Variants in MYH8 observed in about 807,000 individuals in gnomAD.
The protein encoded by MYH8 is myosin heavy chain 8.
A neutral mutation model predicts 233.2 loss-of-function variants in MYH8; 168 were observed. The observed-to-expected ratio is 0.72, with a 90% confidence interval of 0.64 to 0.82. The LOEUF (loss-of-function observed/expected upper bound fraction) is 0.82. Among genes scored for constraint, MYH8 ranks in the 40% least tolerant of loss-of-function variants. The pLI, the probability that MYH8 is intolerant of heterozygous loss-of-function variation, is 0.00. For missense variants in MYH8, 1,995 were observed against 2,327.8 expected (o/e 0.86, Z 2.94); for synonymous variants, 785 against 850.6 (o/e 0.92, Z 1.34).
chr17:10,418,404 A>T (rs1221185932), intron 5 of MYH8, among the ~76,000 whole-genome samples: 1 of 152,222 alleles, frequency 6.6e-6, no homozygotes, highest in Non-Finnish European at 1.5e-5. Context: ...CTTCCACTTA[A>T]CTATCTGTGT....
intron 30 of MYH8, 30 bp downstream of exon 30, chr17:10,398,414 A>AG: frequency 6.2e-7 from 1 of 1,613,962 alleles, no homozygotes; most frequent in Non-Finnish European, 8.5e-7. Flanking sequence ...TGCTTCTGGG[A>AG]GTTCCTCTTC....
chr17:10,405,854 G>A (rs1362279520), intron 21 of MYH8, among the ~76,000 whole-genome samples, 187 bp downstream of exon 21: 1 of 152,242 alleles, frequency 6.6e-6, no homozygotes, highest in Non-Finnish European at 1.5e-5. Flanking sequence ...ATGGCTGGAG[G>A]TAGGAGAGAA....
chr17:10,400,900 AT>A lies in MYH8; in HGVS notation c.3313del (p.Ile1105PhefsTer62). On this transcript the variant is annotated frameshift_variant, in exon 26 of 40. Transcript: ENST00000403437. LOFTEE classifies it high-confidence loss of function. This position sits in a 1 kb window ranked among gnomAD's most constrained non-coding sequence, Gnocchi z 4.0. Reference protein sequence around the residue: ...SKIEDEQAVEIQLQKKIKELQ... With the variant: ...SKIEDEQAVEXQLQKKIKELQ... ...CTCTTTGATCTTCTTCTGTAGTTGA[AT>A]TTCTACAGCTTGCTCATCTTCAATT... 6.2e-7 allele frequency: 1 copy of A among 1,613,882 alleles called. No individual in the cohort carries two copies. Among genetic ancestry groups the A allele is most frequent in the South Asian group, 1.1e-5 (1 of 91,082 alleles).
Position 10,414,188 on chromosome 17 carries a change from T to A in MYH8, c.1008+4A>T. On this transcript the variant is annotated splice_donor_region_variant and intron_variant, in intron 11 of 39. Coordinates refer to ENST00000403437, the MANE Select transcript of MYH8 (RefSeq NM_002472.3). ...GATTTTTAAAATTAGTGTTTTTGACTTACATCAGTGGCCATCAACTCTTCT... is the reference window on the plus strand; with the variant it reads ...GATTTTTAAAATTAGTGTTTTTGACATACATCAGTGGCCATCAACTCTTCT... The A allele has an allele frequency of 6.2e-7, 1 of 1,613,606 alleles. No individual in the cohort carries two copies. Among genetic ancestry groups the A allele is most frequent in the Non-Finnish European group, 8.5e-7 (1 of 1,179,470 alleles).
chr17:10,400,824 A>G lies in MYH8; in HGVS notation c.3345+45T>C. ...ATAAACATAAACTCATCTCAACTTC[A>G]GTGTTTTTTTGGTGTGCAGAAAAAA... On this transcript the variant is annotated intron_variant, in intron 26 of 39. Coordinates refer to ENST00000403437, the MANE Select transcript of MYH8 (RefSeq NM_002472.3). The surrounding 1 kb of genome is among the most constrained non-coding windows in gnomAD (Gnocchi z 4.0). 6.2e-7 allele frequency: 1 copy of G among 1,613,864 alleles called. No homozygotes were observed. The highest frequency in any genetic ancestry group is 8.5e-7 in the Non-Finnish European group (1 of 1,179,992).
chr17:10,421,358 A>G lies in MYH8; in HGVS notation c.-31+305T>C, dbSNP rs1362441419. Among the ~76,000 whole-genome samples the G allele has an allele frequency of 2.6e-5, 4 of 152,194 alleles. No homozygotes were observed. The East Asian group carries it at 7.7e-4, about 29-fold the overall frequency. On this transcript the variant is annotated intron_variant, in intron 2 of 39. Transcript: ENST00000403437. ...TGTCCTAAGTCCTCAATGCTTTGCC[A>G]TAGAAGAAGACTGGCATGGACTAGT... is the stretch of plus-strand genomic sequence containing the variant.
Position 10,404,506 on chromosome 17 carries a change from T to C in MYH8, c.2512A>G (p.Lys838Glu). 6.2e-7 allele frequency: 1 copy of C among 1,614,090 alleles called. No homozygotes were observed. Among genetic ancestry groups the C allele is most frequent in the Non-Finnish European group, 8.5e-7 (1 of 1,179,964 alleles). ...KHWPWMKLFF[K>E]IKPLLKSAET... ...GCACTCTTGAGGAGGGGCTTAATCT[T>C]GAAAAAGAGTTTCATCCAGGGCCAG... The change falls in exon 22 of 40, where the codon AAG (lysine) becomes GAG (glutamate). Residue 838 changes from lysine (K) to glutamate (E), a missense_variant. By Grantham distance (56) the Lys-to-Glu change is moderately conservative (BLOSUM62 1). Coordinates refer to ENST00000403437, the MANE Select transcript of MYH8 (RefSeq NM_002472.3).
chr17:10,398,362 CT>C, intron 30 of MYH8, 81 bp downstream of exon 30: 1 of 1,602,738 alleles, frequency 6.2e-7, no homozygotes, highest in South Asian at 1.1e-5. Flanking sequence ...TAAATGTTAG[CT>C]TTTGCTATTG....
At chr17:10,401,018 T>C (rs1597399430) in intron 25 of MYH8, 28 bp downstream of exon 25, 3 of 1,614,020 alleles carry the variant, frequency 1.9e-6, no homozygotes, top group Non-Finnish European at 2.5e-6. Flanking sequence ...TGATATCACA[T>C]AGAAGTTTTT....
chr17:10,395,363 T>G lies in MYH8; in HGVS notation c.4732A>C (p.Lys1578Gln). 1 of 1,614,196 alleles carries G rather than the reference T, an allele frequency of 6.2e-7. No individual in the cohort carries two copies. Among genetic ancestry groups the G allele is most frequent in the Non-Finnish European group, 8.5e-7 (1 of 1,180,004 alleles). ...ATTTCCTCATCCTTTTCTGCGATTT[T>G]TCTATCAACTTCAGACTTGACTTGG... Reference protein sequence around the residue: ...LNQVKSEVDRKIAEKDEEIDQ... With the variant: ...LNQVKSEVDRQIAEKDEEIDQ... The change falls in exon 34 of 40, where the codon AAA (lysine) becomes CAA (glutamine). Residue 1578 changes from lysine (K) to glutamine (Q), a missense_variant. Lys to Gln is a moderately conservative substitution (Grantham distance 53). Around this residue, in one of 3 missense-constraint regions of MYH8, gnomAD observed 1,498 missense variants for 1,680.9 expected, o/e 0.89. Coordinates refer to ENST00000403437, the MANE Select transcript of MYH8 (RefSeq NM_002472.3).
At position 10,401,605 on chromosome 17, in the gene MYH8, T is replaced by C. The variant is rs1232009976; in HGVS notation, c.2869A>G (p.Ile957Val). Reference protein sequence around the residue: ...EDECSELKKDIDDLELTLAKV... With the variant: ...EDECSELKKDVDDLELTLAKV... ...GCCAGTGTCAGCTCAAGGTCATCAA[T>C]GTCTTTCTTGAGTTCTGAACATTCA... Residue 957 changes from isoleucine to valine, a missense_variant, in exon 23 of 40, where the codon ATT becomes GTT. Physicochemically the swap from Ile to Val is conservative, Grantham distance 29 (BLOSUM62 3). This residue lies in a region of MYH8 where 1,498 missense variants were observed against 1,680.9 expected (regional missense o/e 0.89). Transcript: ENST00000403437. 4 of 1,614,078 alleles carry C rather than the reference T, an allele frequency of 2.5e-6. No individual in the cohort carries two copies. Among genetic ancestry groups the C allele is most frequent in the Non-Finnish European group, 3.4e-6 (4 of 1,180,048 alleles).
chr17:10,405,969 T>C (rs1308645368), intron 21 of MYH8, 72 bp downstream of exon 21: 1 of 1,568,400 alleles, frequency 6.4e-7, no homozygotes, highest in Non-Finnish European at 8.7e-7. Context: ...AATGAAAGAA[T>C]TAATGAATGA....
At chr17:10,407,081 T>C (rs1597401852) in intron 17 of MYH8, 102 bp from the exon 18 acceptor site, 1 of 881,280 alleles carries the variant, frequency 1.1e-6, no homozygotes, top group African/African-American at 1.7e-5. Flanking sequence ...CTACTAGGCA[T>C]GCATCTGTGA....
intron 30 of MYH8, 99 bp downstream of exon 30, chr17:10,398,345 C>T: frequency 1.3e-6 from 2 of 1,546,836 alleles, no homozygotes; most frequent in Non-Finnish European, 1.8e-6. Flanking sequence ...ACACAGTATG[C>T]ACTCAATAAA....
chr17:10,394,443 G>A lies in MYH8; in HGVS notation c.4972C>T (p.Leu1658Phe). 1 of 1,614,190 alleles carries A rather than the reference G, an allele frequency of 6.2e-7. No individual in the cohort carries two copies. Residue 1658 changes from leucine (L) to phenylalanine (F), a missense_variant, in exon 35 of 40, where the codon CTC becomes TTC. By Grantham distance (22) the Leu-to-Phe change is conservative. This residue lies in a region of MYH8 where 1,498 missense variants were observed against 1,680.9 expected (regional missense o/e 0.89). Coordinates refer to ENST00000403437, the MANE Select transcript of MYH8 (RefSeq NM_002472.3). ...NTQGILKETQ[L>F]HLDDALRGQE... is the part of the protein sequence containing the mutation. ...CCCCGGAGAGCATCATCCAGGTGGAGCTGGGTTTCCTAATAAGTGAAAAAC... is the reference window on the plus strand; with the variant it reads ...CCCCGGAGAGCATCATCCAGGTGGAACTGGGTTTCCTAATAAGTGAAAAAC...
At position 10,420,242 on chromosome 17, in the gene MYH8, T is replaced by G; in HGVS notation, c.-15A>C. The G allele has an allele frequency of 6.2e-7, 1 of 1,612,512 alleles. No homozygotes were observed. Among genetic ancestry groups the G allele is most frequent in the Middle Eastern group, 2.1e-4 (1 of 4,788 alleles). ...CTCGCACTCATGGCTGCGATTTATT[T>G]AGCAAAGGATTCTGCCTAGGGAGGA... is the stretch of plus-strand genomic sequence containing the variant. On this transcript the variant is annotated 5_prime_UTR_variant, in exon 3 of 40. Transcript: ENST00000403437.
In MYH8 at chr17:10,406,168, T is replaced by G; in HGVS notation, c.2305A>C (p.Lys769Gln). ...YKFGHTKVFF[K>Q]AGLLGLLEEM... ...TCCAGAAGACCCAGAAGTCCAGCTT[T>G]GAAGAAAACCTGGAGAAAGAGAGAG... Residue 769 changes from lysine to glutamine, a missense_variant, in exon 21 of 40, where the codon AAA becomes CAA. Physicochemically the swap from Lys to Gln is moderately conservative, Grantham distance 53. Coordinates refer to ENST00000403437, the MANE Select transcript of MYH8 (RefSeq NM_002472.3). 1 of 1,614,082 alleles carries G rather than the reference T, an allele frequency of 6.2e-7. No individual in the cohort carries two copies.
In MYH8 at chr17:10,415,919, A is replaced by G. The variant is rs1244060218; in HGVS notation, c.512-211T>C. Reference sequence around the variant, plus strand: ...CAAAGAATCATCTCTTCCTTTTTGTATTTATTAATTTTTAATTGCGATGAG... The same window carrying G: ...CAAAGAATCATCTCTTCCTTTTTGTGTTTATTAATTTTTAATTGCGATGAG... On this transcript the variant is annotated intron_variant, in intron 5 of 39. Transcript: ENST00000403437. The surrounding 1 kb of genome is among the most constrained non-coding windows in gnomAD (Gnocchi z 4.1). Among the ~76,000 whole-genome samples the G allele has an allele frequency of 2.0e-5, 3 of 152,140 alleles. No homozygotes were observed. Among genetic ancestry groups the G allele is most frequent in the African/African-American group, 4.8e-5 (2 of 41,442 alleles).
rs1472920734 is a variant in MYH8, at chr17:10,415,304, G to A, written c.729C>T (p.Asn243=). 6.2e-7 allele frequency: 1 copy of A among 1,613,604 alleles called. No homozygotes were observed. The highest frequency in any genetic ancestry group is 2.2e-5 in the East Asian group (1 of 44,878). ...FGNAKTVRND[N]SSRFGKFIRI... is the part of the protein sequence containing the mutation. Reference sequence around the variant, plus strand: ...CCAAGAGACTCACAAAGCGAGAGGAGTTGTCATTCCTCACAGTTTTGGCAT... The same window carrying A: ...CCAAGAGACTCACAAAGCGAGAGGAATTGTCATTCCTCACAGTTTTGGCAT... Residue 243 remains asparagine, a synonymous_variant, in exon 8 of 40, where the codon AAC becomes AAT. Coordinates refer to ENST00000403437, the MANE Select transcript of MYH8 (RefSeq NM_002472.3). The surrounding 1 kb of genome is among the most constrained non-coding windows in gnomAD (Gnocchi z 4.1).
Sources: allele counts gnomAD v4.1 joint callset (sites outside exome capture counted in the v4.1 genomes callset), GRCh38; gene constraint gnomAD v4.1.1; regional missense constraint gnomAD v4.1.1; non-coding constraint Gnocchi (gnomAD v3.1); transcripts MANE v1.5; gene names NCBI Gene and HGNC (gene_info 2026-07-23, HGNC 2026-07-21).